Variants in RPS9 observed in about 807,000 individuals in gnomAD.
RPS9 encodes the protein ribosomal protein S9.
In RPS9, 1 loss-of-function variant was observed where a neutral mutation model predicts 16.9. The observed-to-expected ratio is 0.06, with a 90% CI of 0.02 to 0.28. The LOEUF (loss-of-function observed/expected upper bound fraction) is 0.28. RPS9 is among the 10% of genes least tolerant of loss of function. RPS9 has a pLI of 1.00. For missense variants in RPS9, 137 were observed against 273.2 expected (o/e 0.50, Z 3.51); for synonymous variants, 106 against 110.9 (o/e 0.96, Z 0.28).
At position 54,201,370 on chromosome 19, in the gene RPS9, G is replaced by C. The variant is rs543424861; in HGVS notation, c.97+89G>C. 1.3e-5 allele frequency: 21 copies of C among 1,607,448 alleles called. No homozygotes were observed. The South Asian group carries it at 1.3e-4, about 10-fold the overall frequency. On this transcript the variant is annotated intron_variant, in intron 2 of 4. Transcript: ENST00000302907. ...GGTGCCCATGTACTCTATCTAGTCC[G>C]TCCCCTAAATTTGGTACTATTCGTG...
chr19:54,205,402 AC>A (rs2077205310), intron 3 of RPS9, among the ~76,000 whole-genome samples: 3 of 151,676 alleles, frequency 2.0e-5, no homozygotes, highest in Admixed American at 1.3e-4. Context: ...TTATATACAT[AC>A]TAGATATATT....
At chr19:54,206,962 TG>T in intron 4 of RPS9, 1 of 463,226 alleles carries the variant, frequency 2.2e-6, no homozygotes. Context: ...TCACTAACCC[TG>T]TGAGCCGTAG....
intron 3 of RPS9, among the ~76,000 whole-genome samples, chr19:54,204,428 C>T (rs1269171630): frequency 2.0e-5 from 3 of 152,074 alleles, no homozygotes; most frequent in Non-Finnish European, 4.4e-5. Context: ...CTAATGGTGA[C>T]GATCTCACTT....
At chr19:54,201,338 G>C (rs1482305080) in intron 2 of RPS9, 57 bp downstream of exon 2, 2 of 1,612,912 alleles carry the variant, frequency 1.2e-6, no homozygotes, top group Non-Finnish European at 1.7e-6. Context: ...GTTAGCACGT[G>C]GATGAAGGTG....
At chr19:54,206,954 A>G (rs968584098) in intron 4 of RPS9, 6 of 474,432 alleles carry the variant, frequency 1.3e-5, no homozygotes, top group African/African-American at 3.9e-5. Context: ...CCAGCCCTTC[A>G]CTAACCCTGT....
intron 4 of RPS9, chr19:54,207,125 C>G: frequency 2.0e-6 from 1 of 494,774 alleles, no homozygotes; most frequent in Non-Finnish European, 3.6e-6. Flanking sequence ...TCTCACATGG[C>G]CATCTCATTT....
intron 3 of RPS9, among the ~76,000 whole-genome samples, chr19:54,202,223 T>C (rs1435610300): frequency 1.3e-5 from 2 of 152,156 alleles, no homozygotes; most frequent in South Asian, 2.1e-4. Context: ...CTCGCTCCAT[T>C]GCCCATGCTG....
intron 4 of RPS9, chr19:54,207,044 T>TG (rs2077267077): frequency 2.3e-6 from 1 of 441,258 alleles, no homozygotes. Flanking sequence ...TGGGCATTGC[T>TG]GCTGCACGTG....
At chr19:54,206,243 G>A in intron 3 of RPS9, 33 bp from the exon 4 acceptor site, 1 of 1,603,092 alleles carries the variant, frequency 6.2e-7, no homozygotes, top group Non-Finnish European at 8.5e-7. Flanking sequence ...GAGGTCAGAA[G>A]GCGGAATCAG....
rs191824521 is a variant in RPS9, at chr19:54,207,425, G to A, written c.435G>A (p.Pro145=). The change falls in exon 5 of 5, where the codon CCG becomes CCA. Residue 145 remains proline, a synonymous_variant. Coordinates refer to ENST00000302907, the MANE Select transcript of RPS9 (RefSeq NM_001013.4). ...IRVRKQVVNI[P]SFIVRLDSQK... is the part of the protein sequence containing the mutation. ...TCCGCAAGCAGGTGGTGAACATCCC[G>A]TCCTTCATTGTCCGCCTGGATTCCC... 142 of 1,613,448 alleles carry A rather than the reference G, an allele frequency of 8.8e-5. No individual in the cohort carries two copies. The Admixed American group carries it at 1.0e-3, about 11-fold the overall frequency.
chr19:54,207,357 C>A (rs779693602), intron 4 of RPS9, 41 bp from the exon 5 acceptor site: 2 of 1,544,458 alleles, frequency 1.3e-6, no homozygotes, highest in East Asian at 2.3e-5. Flanking sequence ...GGTTAGCGTC[C>A]GTTTCTCCTC....
At chr19:54,203,283 C>G in intron 3 of RPS9, 1 of 985,344 alleles carries the variant, frequency 1.0e-6, no homozygotes, top group East Asian at 1.1e-4. Context: ...CAGGTGAGTA[C>G]ACTTTCTAGT....
intron 3 of RPS9, chr19:54,202,655 A>C: frequency 1.0e-6 from 1 of 985,422 alleles, no homozygotes; most frequent in South Asian, 4.7e-5. Context: ...TCTACAGCAG[A>C]TTGGCATGAC....
chr19:54,207,611 G>A lies in RPS9; in HGVS notation c.*36G>A, dbSNP rs780141839. On this transcript the variant is annotated 3_prime_UTR_variant, in exon 5 of 5. Coordinates refer to ENST00000302907, the MANE Select transcript of RPS9 (RefSeq NM_001013.4). ...CCCTCCTGGGCTGCTGGATTGTCTC[G>A]TTTTCCTGCCAAATAAACAGGATCA... is the stretch of plus-strand genomic sequence containing the variant. The A allele has an allele frequency of 2.5e-5, 38 of 1,531,584 alleles. No individual in the cohort carries two copies. The East Asian group carries it at 4.0e-4, about 16-fold the overall frequency. The allele number at this position is 1,531,584 out of a possible 1,614,324, so 94.9% of individuals were successfully genotyped here.
intron 3 of RPS9, chr19:54,203,098 C>T (rs1162903997): frequency 1.0e-6 from 1 of 984,848 alleles, no homozygotes; most frequent in African/African-American, 1.7e-5. Context: ...GAATTCATCC[C>T]AGGGTTCTGT....
At chr19:54,205,891 A>G (rs545584530) in intron 3 of RPS9, among the ~76,000 whole-genome samples, 1 of 152,316 alleles carries the variant, frequency 6.6e-6, no homozygotes, top group South Asian at 2.1e-4. Flanking sequence ...ATCTCAGGTC[A>G]CTGCAACCTC....
intron 3 of RPS9, chr19:54,201,902 T>A (rs764170809): frequency 3.4e-5 from 15 of 436,618 alleles, no homozygotes; most frequent in Non-Finnish European, 6.0e-5. Context: ...ATATTCTGTT[T>A]ATGTGGCCTG....
intron 3 of RPS9, among the ~76,000 whole-genome samples, chr19:54,204,581 T>G (rs1387664737): frequency 6.6e-6 from 1 of 152,086 alleles, no homozygotes; most frequent in Non-Finnish European, 1.5e-5. Context: ...AGTTTTACTT[T>G]TTTGTTTGTT....
chr19:54,206,147 C>T (rs898426112), intron 3 of RPS9, 129 bp from the exon 4 acceptor site: 13 of 869,630 alleles, frequency 1.5e-5, no homozygotes, highest in Middle Eastern at 2.6e-4. Context: ...ACATGGGTCA[C>T]GGTGATGGCG....
Sources: gnomAD v4.1 joint callset for allele counts (sites outside exome capture counted in the v4.1 genomes callset) on GRCh38, gnomAD v4.1.1 for gene constraint, MANE v1.5 for transcripts, NCBI Gene and HGNC (gene_info 2026-07-23, HGNC 2026-07-21) for gene names.